PHPT1: variants seen among roughly 807,000 people sequenced by gnomAD.
PHPT1 encodes the protein phosphohistidine phosphatase 1, also known as 14 kDa phosphohistidine phosphatase.
Under a neutral mutation model 15.6 loss-of-function variants are expected in PHPT1, and 16 were observed. The ratio of observed to expected loss-of-function variants is 1.03; its 90% CI spans 0.70 to 1.56. The LOEUF (loss-of-function observed/expected upper bound fraction) is 1.56. Ranked by LOEUF, PHPT1 falls within the 40% of genes most tolerant of loss-of-function variation. The pLI is 0.00. For missense variants in PHPT1, 228 were observed against 171.0 expected (o/e 1.33, Z -1.86); for synonymous variants, 102 against 68.1 (o/e 1.50, Z -2.45).
At chr9:136,850,172 C>G (rs1848874010) in intron 2 of PHPT1, 35 bp downstream of exon 2, 1 of 1,612,380 alleles carries the variant, frequency 6.2e-7, no homozygotes, top group Non-Finnish European at 8.5e-7. Context: ...TGCCGGAGGC[C>G]CCAGTACCAG....
Position 136,850,817 on chromosome 9 carries a change from C to T in PHPT1, c.348C>T (p.Tyr116=), listed in dbSNP as rs771042807. 6 of 1,613,118 alleles carry T rather than the reference C, an allele frequency of 3.7e-6. No individual in the cohort carries two copies. In the South Asian group the frequency reaches 6.6e-5, roughly 18 times the overall value. Residue 116 remains tyrosine (Y), a synonymous_variant, in exon 3 of 3, where the codon TAC becomes TAT. Coordinates refer to ENST00000247665, the MANE Select transcript of PHPT1 (RefSeq NM_014172.6). The part of the protein sequence containing the change: ...TEKIKAKYPD[Y]EVTWANDGY Reference sequence around the variant, plus strand: ...AAATCAAAGCCAAGTACCCCGACTACGAGGTCACCTGGGCTAACGACGGCT... The same window carrying T: ...AAATCAAAGCCAAGTACCCCGACTATGAGGTCACCTGGGCTAACGACGGCT...
rs1848847461 is a variant in PHPT1 at position 136,849,502 on chromosome 9, G to T, written c.72G>T (p.Leu24=). ...CCGACGGCGTCTTCAAGTATGTGCT[G>T]ATCCGAGTCCACTCGGCTCCCCGCT... The part of the protein sequence containing the change: ...IDSDGVFKYV[L]IRVHSAPRSG... The change falls in exon 1 of 3, where the codon CTG becomes CTT. Residue 24 remains leucine (L), a synonymous_variant. Coordinates refer to ENST00000247665, the MANE Select transcript of PHPT1 (RefSeq NM_014172.6). 5 of 1,611,688 alleles carry T rather than the reference G, an allele frequency of 3.1e-6. No homozygotes were observed. Among genetic ancestry groups the T allele is most frequent in the African/African-American group, 1.3e-5 (1 of 74,858 alleles).
At chr9:136,850,174 C>T (rs1848874154) in intron 2 of PHPT1, 37 bp downstream of exon 2, 2 of 1,612,372 alleles carry the variant, frequency 1.2e-6, no homozygotes, top group Non-Finnish European at 1.7e-6. Context: ...CCGGAGGCCC[C>T]AGTACCAGCT....
chr9:136,850,064 G>T lies in PHPT1; in HGVS notation c.212G>T (p.Cys71Phe). The T allele has an allele frequency of 3.7e-6, 6 of 1,613,186 alleles. No homozygotes were observed. The highest frequency in any genetic ancestry group is 5.1e-6 in the Non-Finnish European group (6 of 1,179,862). Residue 71 changes from cysteine to phenylalanine, a missense_variant, in exon 2 of 3, where the codon TGT becomes TTT. Coordinates refer to ENST00000247665, the MANE Select transcript of PHPT1 (RefSeq NM_014172.6). ...SGDMQKQGCD[C>F]ECLGGGRISH... ...GACATGCAGAAGCAAGGCTGCGACT[G>T]TGAGTGTCTGGGCGGCGGGCGCATC... is the stretch of plus-strand genomic sequence containing the variant.
intron 2 of PHPT1, 45 bp downstream of exon 2, chr9:136,850,182 G>A: frequency 6.2e-7 from 1 of 1,611,798 alleles, no homozygotes; most frequent in Non-Finnish European, 8.5e-7. Context: ...CCCAGTACCA[G>A]CTTCGAGGCC....
intron 1 of PHPT1, 38 bp downstream of exon 1, chr9:136,849,628 TGGCGAGGCGGG>T: frequency 1.6e-6 from 1 of 622,874 alleles, no homozygotes; most frequent in Non-Finnish European, 2.2e-6. Flanking sequence ...GGGGCACGCC[TGGCGAGGCGGG>T]GGCGGGGCTG....
intron 2 of PHPT1, 49 bp downstream of exon 2, chr9:136,850,186 C>T (rs368821095): frequency 6.2e-7 from 1 of 1,610,966 alleles, no homozygotes; most frequent in Non-Finnish European, 8.5e-7. Context: ...GTACCAGCTT[C>T]GAGGCCCACC....
intron 1 of PHPT1, 104 bp from the exon 2 acceptor site, chr9:136,849,909 A>G: frequency 8.4e-7 from 1 of 1,188,810 alleles, no homozygotes; most frequent in Admixed American, 2.0e-5. Flanking sequence ...CTCCTGGGGA[A>G]GGGGCTGTTC....
At chr9:136,850,347 AC>A in intron 2 of PHPT1, 1 of 832,126 alleles carries the variant, frequency 1.2e-6, no homozygotes, top group Non-Finnish European at 1.9e-6. Flanking sequence ...TGGGACGGAC[AC>A]CCCCAGACAT....
chr9:136,850,548 A>G (rs750814394), intron 2 of PHPT1: 63 of 1,611,760 alleles, frequency 3.9e-5, no homozygotes, highest in South Asian at 1.8e-4. Context: ...AGGCCCCAGG[A>G]TCCACCATCA....
At chr9:136,849,806 A>G (rs1290530959) in intron 1 of PHPT1, 1 of 704,312 alleles carries the variant, frequency 1.4e-6, no homozygotes, top group East Asian at 2.8e-5. Flanking sequence ...ACGGCCTGAC[A>G]CCCTCCCCAG....
Position 136,849,550 on chromosome 9 carries a change from C to T in PHPT1, c.120C>T (p.Ser40=), listed in dbSNP as rs1452864426. 1.9e-6 allele frequency: 3 copies of T among 1,606,524 alleles called. No individual in the cohort carries two copies. In the South Asian group the frequency reaches 3.3e-5, roughly 18 times the overall value. The change falls in exon 1 of 3, where the codon AGC becomes AGT. Residue 40 remains serine (S), a synonymous_variant. Transcript: ENST00000247665. ...APRSGAPAAE[S]KEIVRGYKWA... is the part of the protein sequence containing the mutation. ...GCTCCGGGGCTCCGGCTGCAGAGAG[C>T]AAGGAGATCGTGCGCGGCTACAAGT...
In PHPT1 at chr9:136,850,066, G is replaced by A. The variant is rs1265156315; in HGVS notation, c.214G>A (p.Glu72Lys). 3 of 1,613,102 alleles carry A rather than the reference G, an allele frequency of 1.9e-6. No individual in the cohort carries two copies. The highest frequency in any genetic ancestry group is 3.3e-5 in the Admixed American group (2 of 59,996). ...GDMQKQGCDC[E>K]CLGGGRISHQ... ...CATGCAGAAGCAAGGCTGCGACTGT[G>A]AGTGTCTGGGCGGCGGGCGCATCTC... The change falls in exon 2 of 3, where the codon GAG becomes AAG. Residue 72 changes from glutamate to lysine, a missense_variant. Glu to Lys is a moderately conservative substitution (Grantham distance 56). Transcript: ENST00000247665.
rs748538994 is a variant in PHPT1 at position 136,849,485 on chromosome 9, G to A, written c.55G>A (p.Val19Ile). 9.9e-6 allele frequency: 16 copies of A among 1,611,578 alleles called. No homozygotes were observed. The highest frequency in any genetic ancestry group is 1.3e-5 in the Non-Finnish European group (15 of 1,179,384). ...TGATGTGGACATCGACTCCGACGGC[G>A]TCTTCAAGTATGTGCTGATCCGAGT... ...IPDVDIDSDG[V>I]FKYVLIRVHS... Residue 19 changes from valine (V) to isoleucine (I), a missense_variant, in exon 1 of 3, where the codon GTC (valine) becomes ATC (isoleucine). Coordinates refer to ENST00000247665, the MANE Select transcript of PHPT1 (RefSeq NM_014172.6).
rs776524897 is a variant in PHPT1, at chr9:136,850,602, C to T, written c.286-153C>T. 5 of 1,593,200 alleles carry T rather than the reference C, an allele frequency of 3.1e-6. No individual in the cohort carries two copies. In the Admixed American group the frequency reaches 5.1e-5, roughly 16 times the overall value. On this transcript the variant is annotated intron_variant, in intron 2 of 2. Transcript: ENST00000247665. ...AGGTCGCCTCTCCCCAGGGGAGCCC[C>T]CAAGGGCGGTCGGGATGGTGGGTTT...
Position 136,850,132 on chromosome 9 carries a change from T to C in PHPT1, c.280T>C (p.Ser94Pro). The C allele has an allele frequency of 6.2e-7, 1 of 1,613,028 alleles. No individual in the cohort carries two copies. The highest frequency in any genetic ancestry group is 8.5e-7 in the Non-Finnish European group (1 of 1,179,880). Residue 94 changes from serine (S) to proline (P), a missense_variant, in exon 2 of 3, where the codon TCC (serine) becomes CCC (proline). By Grantham distance (74) the Ser-to-Pro change is moderately conservative. Transcript: ENST00000247665. ...CAAGAAGATTCACGTGTACGGCTAT[T>C]CCATGGTGAGCCGCAGCCCCGTCCC... ...QDKKIHVYGY[S>P]MAYGPAQHAI... is the part of the protein sequence containing the mutation.
rs977989140 is a variant in PHPT1, at chr9:136,851,006, T to C, written c.*159T>C. On this transcript the variant is annotated 3_prime_UTR_variant, in exon 3 of 3. Transcript: ENST00000247665. ...GAGACAGGCTAGCCTGGCCACAGAA[T>C]TAAACGTGTTGCCACACCTGCCGGC... 1.3e-6 allele frequency: 1 copy of C among 762,884 alleles called. No homozygotes were observed. The highest frequency in any genetic ancestry group is 2.4e-6 in the Non-Finnish European group (1 of 417,120). The allele number at this position is 762,884 out of a possible 1,614,324, so 47.3% of individuals were successfully genotyped here. A position where few individuals can be genotyped will look rare whatever the true frequency, so the allele number is the denominator to read the frequency against.
At chr9:136,850,428 C>T (rs1848882510) in intron 2 of PHPT1, 1 of 1,349,154 alleles carries the variant, frequency 7.4e-7, no homozygotes, top group Non-Finnish European at 1.0e-6. Flanking sequence ...CACTTTGGGC[C>T]CTGGGCCCCC....
intron 2 of PHPT1, 151 bp downstream of exon 2, chr9:136,850,288 C>A: frequency 2.0e-6 from 2 of 996,838 alleles, no homozygotes; most frequent in South Asian, 1.5e-5. Context: ...CCTCCAGGGC[C>A]CATTGTGTTC....
Sources: allele counts gnomAD v4.1 joint callset, GRCh38; gene constraint gnomAD v4.1.1; transcripts MANE v1.5; gene names NCBI Gene and HGNC (gene_info 2026-07-23, HGNC 2026-07-21).